NCOR2: variants seen among roughly 807,000 people sequenced by gnomAD.
NCOR2 encodes the protein CTG repeat protein 26.
A neutral mutation model predicts 262.9 loss-of-function variants in NCOR2; 81 were observed. That is an observed-to-expected ratio of 0.31 (90% confidence interval 0.26 to 0.37). NCOR2 has a LOEUF of 0.37. Among genes scored for constraint, NCOR2 ranks in the 10% least tolerant of loss-of-function variants. The pLI is 1.00. For missense variants in NCOR2, 3,385 were observed against 3,621.4 expected, an observed-to-expected ratio of 0.93 and a Z score of 1.68; for synonymous variants, 1,659 against 1,559.3, an observed-to-expected ratio of 1.06 and a Z score of -1.51.
intron 8 of NCOR2, among the ~76,000 whole-genome samples, chr12:124,435,253 G>A (rs958014939): frequency 1.3e-5 from 2 of 152,180 alleles, no homozygotes; most frequent in Admixed American, 6.5e-5. Flanking sequence ...CCAGATTACC[G>A]GTCTGTTTCC....
At chr12:124,511,260 C>A (rs569316525) in intron 1 of NCOR2, among the ~76,000 whole-genome samples, 1 of 152,328 alleles carries the variant, frequency 6.6e-6, no homozygotes, top group African/African-American at 2.4e-5. Context: ...CAGGTCCACA[C>A]AGCCGGCCGG....
At chr12:124,424,407 C>T (rs2043412315) in intron 11 of NCOR2, among the ~76,000 whole-genome samples, 1 of 152,108 alleles carries the variant, frequency 6.6e-6, no homozygotes, top group Non-Finnish European at 1.5e-5. Context: ...GGTGAGGCTG[C>T]AGGCACGAGC....
In NCOR2 at chr12:124,531,132, CAT is replaced by C. The variant is rs2050749921; in HGVS notation, c.-118+4431_-118+4432del. ...GCTGGCCCTGAGGACAACACAGGCACATGAGAGGTCATTTCAGGAGAAGGACG... is the reference window on the plus strand; with the variant it reads ...GCTGGCCCTGAGGACAACACAGGCACGAGAGGTCATTTCAGGAGAAGGACG... On this transcript the variant is annotated intron_variant, in intron 1 of 46. Transcript: ENST00000404621. The surrounding 1 kb of genome is among the most constrained non-coding windows in gnomAD (Gnocchi z 4.5). Among the ~76,000 whole-genome samples the C allele has an allele frequency of 6.6e-6, 1 of 152,162 alleles. No homozygotes were observed. Among genetic ancestry groups the C allele is most frequent in the Non-Finnish European group, 1.5e-5 (1 of 68,034 alleles).
intron 1 of NCOR2, chr12:124,514,334 A>C (rs968153964): frequency 1.3e-5 from 2 of 152,154 alleles, no homozygotes; most frequent in Non-Finnish European, 2.9e-5. Flanking sequence ...GTGAGCAATA[A>C]AGTTCTATTG....
At chr12:124,409,054 G>A (rs1010653707) in intron 13 of NCOR2, among the ~76,000 whole-genome samples, 4 of 152,228 alleles carry the variant, frequency 2.6e-5, no homozygotes, top group African/African-American at 9.6e-5. Context: ...AAAGCTGGTT[G>A]TTAAACATTT....
intron 7 of NCOR2, among the ~76,000 whole-genome samples, chr12:124,442,321 G>C (rs893400020): frequency 6.6e-6 from 1 of 152,046 alleles, no homozygotes; most frequent in Admixed American, 6.5e-5. Flanking sequence ...TTTATTTTTT[G>C]GTAGAGATGA....
rs1283713281 is a variant in NCOR2, at chr12:124,531,408, T to G, written c.-118+4157A>C. 6.6e-6 allele frequency among the ~76,000 whole-genome samples: 1 copy of G among 151,826 alleles called. No individual in the cohort carries two copies. The highest frequency in any genetic ancestry group is 1.9e-4 in the East Asian group (1 of 5,136). ...AGCGGGCGGCCGCAGGCAGACACGCTCAACTGTCAGCCTCCTCCTCTCAGC... is the reference window on the plus strand; with the variant it reads ...AGCGGGCGGCCGCAGGCAGACACGCGCAACTGTCAGCCTCCTCCTCTCAGC... On this transcript the variant is annotated intron_variant, in intron 1 of 46. Coordinates refer to the NCOR2 transcript ENST00000404621. The surrounding 1 kb of genome is among the most constrained non-coding windows in gnomAD (Gnocchi z 4.5).
intron 1 of NCOR2, among the ~76,000 whole-genome samples, chr12:124,511,812 G>A (rs139254397): frequency 6.6e-6 from 1 of 152,340 alleles, no homozygotes; most frequent in Non-Finnish European, 1.5e-5. Context: ...ACCCCCGCCA[G>A]GGCCAGTTCC....
chr12:124,324,982 C>T lies in NCOR2; in HGVS notation c.*420G>A, dbSNP rs184867915. 1.1e-3 allele frequency: 172 copies of T among 154,900 alleles called. 3 individuals are homozygous for T. In the South Asian group the frequency reaches 0.021, roughly 19 times the overall value. 9.6% of individuals were successfully genotyped at this position (154,900 alleles called of 1,614,324 possible). ...CCAGAGCGCTAAGCGGGATGGGAGGCGGAGGGAGGGCGCGGGGGCTGCGAG... is the reference window on the plus strand; with the variant it reads ...CCAGAGCGCTAAGCGGGATGGGAGGTGGAGGGAGGGCGCGGGGGCTGCGAG... On this transcript the variant is annotated 3_prime_UTR_variant, in exon 47 of 47. Transcript: ENST00000405201.
intron 4 of NCOR2, 124 bp downstream of exon 6, chr12:124,472,828 G>T: frequency 2.4e-6 from 3 of 1,263,338 alleles, no homozygotes; most frequent in East Asian, 2.3e-5. Flanking sequence ...AACGTAAAGG[G>T]CATAAAAACC....
chr12:124,393,977 C>G (rs2041490184), intron 16 of NCOR2, among the ~76,000 whole-genome samples: 1 of 152,256 alleles, frequency 6.6e-6, no homozygotes, highest in Admixed American at 6.5e-5. Flanking sequence ...CATGGAAGTT[C>G]CTCCAGTTGT....
exon 40 of NCOR2, chr12:124,335,256 G>A: frequency 1.2e-6 from 2 of 1,604,906 alleles, no homozygotes; most frequent in South Asian, 1.1e-5. Flanking sequence ...GAGGTGGGCG[G>A]CCTCCCCGCC....
Position 124,482,722 on chromosome 12 carries a change from G to A in NCOR2, c.411+874C>T, listed in dbSNP as rs78197097. 5.5e-3 allele frequency among the ~76,000 whole-genome samples: 845 copies of A among 152,262 alleles called. 37 individuals carry two copies. The East Asian group carries it at 0.1, about 19-fold the overall frequency. On this transcript the variant is annotated intron_variant, in intron 3 of 46. Coordinates refer to ENST00000405201, the Ensembl canonical transcript of NCOR2. The surrounding 1 kb of genome is among the most constrained non-coding windows in gnomAD (Gnocchi z 6.3). ...GGGATAAGTGAGTGTGCCCAGGTGA[G>A]GCCTGGGCCCACCTGCAATGCCAGG... is the stretch of plus-strand genomic sequence containing the variant.
intron 11 of NCOR2, among the ~76,000 whole-genome samples, chr12:124,423,346 T>G (rs1478910023): frequency 6.6e-6 from 1 of 152,158 alleles, no homozygotes; most frequent in Non-Finnish European, 1.5e-5. Context: ...GAGCAGCGGC[T>G]GGCTGCTAGT....
At chr12:124,493,584 G>A (rs549932059) in intron 1 of NCOR2, among the ~76,000 whole-genome samples, 72 of 152,324 alleles carry the variant, frequency 4.7e-4, no homozygotes, top group African/African-American at 1.7e-3. Flanking sequence ...AAAATACAGA[G>A]CATGATAGTC....
intron 1 of NCOR2, among the ~76,000 whole-genome samples, chr12:124,507,704 G>A (rs746869380): frequency 8.5e-5 from 13 of 152,244 alleles, no homozygotes; most frequent in African/African-American, 1.7e-4. Context: ...AGGGCTGACT[G>A]CTTCAGAGGG....
intron 11 of NCOR2, among the ~76,000 whole-genome samples, 187 bp from the exon 14 acceptor site, chr12:124,422,742 G>A (rs2043291653): frequency 6.6e-6 from 1 of 152,252 alleles, no homozygotes; most frequent in African/African-American, 2.4e-5. Context: ...TGGGGACCCA[G>A]GGGTAAGAGA....
chr12:124,510,525 C>T (rs190602955), intron 1 of NCOR2, among the ~76,000 whole-genome samples: 4 of 152,226 alleles, frequency 2.6e-5, no homozygotes, highest in African/African-American at 9.6e-5. Flanking sequence ...ACAGAGAGGC[C>T]GAGCAACTTG....
In NCOR2 at chr12:124,437,599, C is replaced by T. The variant is rs576529348; in HGVS notation, c.882+331G>A. 1.5e-3 allele frequency among the ~76,000 whole-genome samples: 236 copies of T among 152,328 alleles called. 3 individuals are homozygous for T. The highest frequency in any genetic ancestry group is 5.4e-3 in the African/African-American group (223 of 41,564). On this transcript the variant is annotated intron_variant, in intron 8 of 46. Transcript: ENST00000405201. ...GCCCACCCTGATCCTCCACCTCTCT[C>T]CAAAACCTCTCTTTCTGCCTGAAAA...
Sources: gnomAD v4.1 joint callset for allele counts (sites outside exome capture counted in the v4.1 genomes callset) on GRCh38, gnomAD v4.1.1 for gene constraint, Gnocchi (gnomAD v3.1) non-coding constraint, MANE v1.5 for transcripts, NCBI Gene and HGNC (gene_info 2026-07-23, HGNC 2026-07-21) for gene names.